The following MEGF10 variants were observed in gnomAD, a reference collection of about 807,000 sequenced individuals.
The protein encoded by MEGF10 is multiple epidermal growth factor-like domains protein 10.
A neutral mutation model predicts 147.5 loss-of-function variants in MEGF10; 86 were observed. The observed-to-expected ratio is 0.58, with a 90% CI of 0.49 to 0.70. The LOEUF (loss-of-function observed/expected upper bound fraction) is 0.70, where lower values mean the gene tolerates loss of function less well. Ranked by LOEUF, MEGF10 falls within the 30% of genes least tolerant of loss-of-function variation. MEGF10 has a pLI of 0.00. For synonymous variants in MEGF10, 478 were observed against 525.5 expected (o/e 0.91, Z 1.24); for missense variants, 1,329 against 1,487.3 (o/e 0.89, Z 1.75).
intron 21 of MEGF10, among the ~76,000 whole-genome samples, chr5:127,448,787 GTT>G (rs1766043750): frequency 6.8e-6 from 1 of 146,974 alleles, no homozygotes; most frequent in Non-Finnish European, 1.5e-5. Flanking sequence ...TAGACCAAGA[GTT>G]CTTTTTTTTT....
intron 20 of MEGF10, among the ~76,000 whole-genome samples, chr5:127,446,490 A>G (rs1473972582): frequency 6.6e-6 from 1 of 152,202 alleles, no homozygotes; most frequent in Non-Finnish European, 1.5e-5. Context: ...AGTAGCTTCA[A>G]ATGATACCTT....
intron 16 of MEGF10, among the ~76,000 whole-genome samples, chr5:127,437,938 C>T (rs1765618331): frequency 6.6e-6 from 1 of 152,220 alleles, no homozygotes; most frequent in East Asian, 1.9e-4. Flanking sequence ...AGGCCTTCCT[C>T]AGAGGAGTAG....
At chr5:127,399,960 C>T (rs1016445148) in intron 7 of MEGF10, among the ~76,000 whole-genome samples, 5 of 152,208 alleles carry the variant, frequency 3.3e-5, no homozygotes, top group Non-Finnish European at 7.3e-5. Context: ...TCACCCCAAC[C>T]TTGATAACCT....
intron 1 of MEGF10, among the ~76,000 whole-genome samples, chr5:127,321,258 G>A (rs1356118990): frequency 6.6e-6 from 1 of 152,104 alleles, no homozygotes; most frequent in African/African-American, 2.4e-5. Context: ...CTCCATGAAG[G>A]CCTTCAACTC....
At chr5:127,293,351 C>A (rs531878970) in intron 1 of MEGF10, among the ~76,000 whole-genome samples, 9 of 152,294 alleles carry the variant, frequency 5.9e-5, no homozygotes, top group African/African-American at 2.2e-4. Flanking sequence ...TATTCTCAGA[C>A]TTTGGTTTAT....
chr5:127,341,991 G>A (rs1014157918), intron 4 of MEGF10, among the ~76,000 whole-genome samples: 2 of 152,026 alleles, frequency 1.3e-5, no homozygotes, highest in African/African-American at 2.4e-5. Flanking sequence ...TAAGACTTTC[G>A]ATGTATTTCT....
intron 4 of MEGF10, among the ~76,000 whole-genome samples, chr5:127,353,009 C>T (rs1184207272): frequency 2.0e-5 from 3 of 152,222 alleles, no homozygotes; most frequent in South Asian, 4.1e-4. Flanking sequence ...TTCCATTAGG[C>T]CTCCTTTCCC....
intron 5 of MEGF10, among the ~76,000 whole-genome samples, chr5:127,374,252 C>T (rs189215416): frequency 1.8e-4 from 27 of 152,352 alleles, no homozygotes; most frequent in South Asian, 1.4e-3. Flanking sequence ...CACAAGTGCA[C>T]TACGTGCTCT....
intron 4 of MEGF10, among the ~76,000 whole-genome samples, chr5:127,343,386 C>G (rs1344096409): frequency 1.3e-5 from 2 of 152,024 alleles, no homozygotes; most frequent in African/African-American, 2.4e-5. Context: ...TCATCCTGCC[C>G]CACCCGCTCC....
At chr5:127,318,393 CAAAAAAG>C (rs1760649883) in intron 1 of MEGF10, among the ~76,000 whole-genome samples, 1 of 152,036 alleles carries the variant, frequency 6.6e-6, no homozygotes, top group Non-Finnish European at 1.5e-5. Flanking sequence ...AATATCCAAC[CAAAAAAG>C]TGGCCATTTC....
Position 127,410,483 on chromosome 5 carries a change from G to C in MEGF10, c.1012G>C (p.Ala338Pro), listed in dbSNP as rs568794084. 3.7e-6 allele frequency: 6 copies of C among 1,614,148 alleles called. No homozygotes were observed. Among genetic ancestry groups the C allele is most frequent in the Non-Finnish European group, 5.1e-6 (6 of 1,180,034 alleles). Reference protein sequence around the residue: ...NGGKCYHVSGACLCEAGFAGE... With the variant: ...NGGKCYHVSGPCLCEAGFAGE... ...AGGGAAGTGTTACCACGTGAGCGGC[G>C]CATGCCTCTGTGAAGCAGGCTTTGC... is the stretch of plus-strand genomic sequence containing the variant. Residue 338 changes from alanine to proline, a missense_variant, in exon 9 of 25, where the codon GCA (alanine) becomes CCA (proline). Around this residue, in one of 3 missense-constraint regions of MEGF10, gnomAD observed 980 missense variants for 1,085.9 expected, o/e 0.90. Coordinates refer to ENST00000503335, the MANE Select transcript of MEGF10 (RefSeq NM_001256545.2).
intron 4 of MEGF10, among the ~76,000 whole-genome samples, chr5:127,346,348 G>A (rs1048413751): frequency 3.3e-5 from 5 of 151,752 alleles, no homozygotes; most frequent in African/African-American, 4.8e-5. Context: ...TTCCTTTTTC[G>A]CCACATCCAC....
chr5:127,376,856 C>G (rs1043403628), intron 5 of MEGF10, among the ~76,000 whole-genome samples: 6 of 152,138 alleles, frequency 3.9e-5, no homozygotes, highest in African/African-American at 1.4e-4. Context: ...GTGGTGGAGC[C>G]AAACTTGCAT....
At chr5:127,284,989 AT>A in the MEGF10 span, among the ~76,000 whole-genome samples, 9 of 152,348 alleles carry the variant, frequency 5.9e-5, no homozygotes, top group South Asian at 1.9e-3. Flanking sequence ...TTATAAGGTA[AT>A]TGAAAAAATA....
rs748159770 is a variant in MEGF10 at position 127,445,534 on chromosome 5, G to A, written c.2569G>A (p.Gly857Arg). 7.4e-6 allele frequency: 12 copies of A among 1,613,998 alleles called. No homozygotes were observed. The highest frequency in any genetic ancestry group is 5.0e-5 in the Admixed American group (3 of 59,998). Residue 857 changes from glycine to arginine, a missense_variant, in exon 20 of 25, where the codon GGG (glycine) becomes AGG (arginine). Coordinates refer to ENST00000503335, the MANE Select transcript of MEGF10 (RefSeq NM_001256545.2). ...TALPADSYQI[G>R]AIAGIIILVL... Reference sequence around the variant, plus strand: ...TCTCCCTGCTGATTCCTACCAGATCGGGGCCATTGCAGGCATCATCATTCT... The same window carrying A: ...TCTCCCTGCTGATTCCTACCAGATCAGGGCCATTGCAGGCATCATCATTCT...
intron 8 of MEGF10, among the ~76,000 whole-genome samples, chr5:127,407,230 A>T (rs1764366890): frequency 6.6e-6 from 1 of 152,190 alleles, no homozygotes; most frequent in African/African-American, 2.4e-5. Context: ...AAAGGTAGGC[A>T]GCTGATTCGT....
chr5:127,233,396 A>G, the MEGF10 span, among the ~76,000 whole-genome samples: 1 of 152,216 alleles, frequency 6.6e-6, no homozygotes, highest in Admixed American at 6.5e-5. Flanking sequence ...AATCCACTTC[A>G]GGAACCCAAG....
At chr5:127,424,661 A>C (rs1400332638) in intron 13 of MEGF10, 1 of 861,102 alleles carries the variant, frequency 1.2e-6, no homozygotes, top group Non-Finnish European at 1.5e-6. Flanking sequence ...AGGCTGGTGC[A>C]ATGGACTTTA....
chr5:127,418,216 T>G (rs1764852030), intron 10 of MEGF10, among the ~76,000 whole-genome samples: 1 of 152,242 alleles, frequency 6.6e-6, no homozygotes, highest in South Asian at 2.1e-4. Context: ...TGTATTTACA[T>G]TCTGTAGTTG....
Sources: gnomAD v4.1 joint callset for allele counts (sites outside exome capture counted in the v4.1 genomes callset) on GRCh38, gnomAD v4.1.1 for gene constraint, gnomAD v4.1.1 regional missense constraint, MANE v1.5 for transcripts, NCBI Gene and HGNC (gene_info 2026-07-23, HGNC 2026-07-21) for gene names.